RIMS2: variants seen among roughly 807,000 people sequenced by gnomAD.
The protein encoded by RIMS2 is regulating synaptic membrane exocytosis protein 2.
Under a neutral mutation model 174.4 loss-of-function variants are expected in RIMS2, and 59 were observed. The ratio of observed to expected loss-of-function variants is 0.34; its 90% CI spans 0.27 to 0.42. RIMS2 has a LOEUF of 0.42. Ranked by LOEUF, RIMS2 falls within the 10% of genes least tolerant of loss-of-function variation. RIMS2 has a pLI of 1.00. For synonymous variants in RIMS2, 606 were observed against 572.5 expected (o/e 1.06, Z -0.84); for missense variants, 1,620 against 1,666.3 (o/e 0.97, Z 0.48).
chr8:103,623,146 G>T (rs2095675443), intron 1 of RIMS2, among the ~76,000 whole-genome samples: 1 of 152,158 alleles, frequency 6.6e-6, no homozygotes, highest in South Asian at 2.1e-4. Context: ...GATTTTGCTA[G>T]TTTTTATATG....
At chr8:103,852,097 T>C (rs1255559980) in intron 3 of RIMS2, among the ~76,000 whole-genome samples, 1 of 151,870 alleles carries the variant, frequency 6.6e-6, no homozygotes, top group Non-Finnish European at 1.5e-5. Context: ...ACTTAGAGAG[T>C]GAAGAGGCTA....
intron 2 of RIMS2, among the ~76,000 whole-genome samples, chr8:103,719,659 A>G (rs1324027580): frequency 1.3e-5 from 2 of 152,258 alleles, no homozygotes; most frequent in South Asian, 2.1e-4. Context: ...CAAAATAAAG[A>G]GAAATGAAAT....
intron 19 of RIMS2, among the ~76,000 whole-genome samples, chr8:104,076,821 CTT>C (rs759341615): frequency 2.6e-4 from 37 of 140,266 alleles, no homozygotes; most frequent in Admixed American, 2.9e-4. Context: ...TTTCTTTTAT[CTT>C]TTTTTTTTTT....
chr8:103,503,329 A>C (rs74858320), intron 1 of RIMS2, among the ~76,000 whole-genome samples: 1 of 152,070 alleles, frequency 6.6e-6, no homozygotes, highest in East Asian at 1.9e-4. Flanking sequence ...CAAGGAAATG[A>C]AATGAATAGA....
intron 1 of RIMS2, among the ~76,000 whole-genome samples, chr8:103,545,657 A>G (rs776795847): frequency 1.3e-5 from 2 of 152,256 alleles, no homozygotes; most frequent in Admixed American, 6.5e-5. Context: ...AGGGAACTCC[A>G]TCAGGCTAAC....
intron 3 of RIMS2, among the ~76,000 whole-genome samples, chr8:103,805,533 A>G (rs865779493): frequency 4.6e-5 from 7 of 151,946 alleles, no homozygotes; most frequent in African/African-American, 1.5e-4. Context: ...ATGGTCTGGA[A>G]CTCTTTGTTT....
At chr8:104,069,672 G>T (rs2097164928) in intron 19 of RIMS2, among the ~76,000 whole-genome samples, 1 of 151,808 alleles carries the variant, frequency 6.6e-6, no homozygotes, top group African/African-American at 2.4e-5. Context: ...TTTCACTATT[G>T]TTGGCCAGGC....
At chr8:103,575,784 G>A (rs1384351781) in intron 1 of RIMS2, among the ~76,000 whole-genome samples, 1 of 151,500 alleles carries the variant, frequency 6.6e-6, no homozygotes, top group African/African-American at 2.4e-5. Context: ...ACAGAGAATT[G>A]AAAAAACTCT....
chr8:103,645,901 A>C (rs968982672), intron 1 of RIMS2, among the ~76,000 whole-genome samples: 1 of 152,178 alleles, frequency 6.6e-6, no homozygotes, highest in Non-Finnish European at 1.5e-5. Context: ...TTCTGTGAGC[A>C]ATAAAGCTGT....
chr8:103,581,810 C>G (rs1217455172), intron 1 of RIMS2, among the ~76,000 whole-genome samples: 6 of 152,192 alleles, frequency 3.9e-5, no homozygotes, highest in African/African-American at 1.4e-4. Context: ...CCAAAGGCTG[C>G]ATGTGCCCTG....
intron 19 of RIMS2, among the ~76,000 whole-genome samples, chr8:104,024,744 AT>A (rs1459135366): frequency 6.6e-6 from 1 of 152,196 alleles, no homozygotes; most frequent in Non-Finnish European, 1.5e-5. Context: ...AAATTACTCT[AT>A]AATGTGTAAC....
At chr8:104,109,064 G>A (rs1599064699) in intron 19 of RIMS2, among the ~76,000 whole-genome samples, 1 of 151,990 alleles carries the variant, frequency 6.6e-6, no homozygotes, top group Non-Finnish European at 1.5e-5. Context: ...TTGGGAGGCC[G>A]AGGCGGACAG....
At chr8:104,122,390 T>A (rs954578089) in intron 19 of RIMS2, among the ~76,000 whole-genome samples, 4 of 152,120 alleles carry the variant, frequency 2.6e-5, no homozygotes, top group African/African-American at 9.7e-5. Flanking sequence ...TAGGGCTTAG[T>A]TCCCTCAAAC....
intron 19 of RIMS2, among the ~76,000 whole-genome samples, chr8:104,131,017 C>T (rs192108515): frequency 5.3e-5 from 8 of 152,198 alleles, no homozygotes; most frequent in East Asian, 1.9e-4. Context: ...GGCCATGCAA[C>T]GGAGCTTCTA....
chr8:103,640,215 A>T (rs1274308601), intron 1 of RIMS2, among the ~76,000 whole-genome samples: 2 of 151,818 alleles, frequency 1.3e-5, no homozygotes, highest in Admixed American at 1.3e-4. Context: ...TTTTAATGTC[A>T]TGTGATCAGA....
At chr8:103,981,770 A>AGAGCAGAATAGATC (rs2093923728) in intron 16 of RIMS2, among the ~76,000 whole-genome samples, 2 of 152,118 alleles carry the variant, frequency 1.3e-5, no homozygotes, top group African/African-American at 4.8e-5. Context: ...ATGTCCCTTC[A>AGAGCAGAATAGATC]GAGCAGAATA....
intron 19 of RIMS2, among the ~76,000 whole-genome samples, chr8:104,211,617 T>C (rs577525193): frequency 6.6e-6 from 1 of 151,228 alleles, no homozygotes; most frequent in Admixed American, 6.6e-5. Context: ...CCGACTAGAG[T>C]GCAGTGGCAC....
At chr8:103,786,138 G>A (rs2098441397) in intron 3 of RIMS2, among the ~76,000 whole-genome samples, 1 of 151,864 alleles carries the variant, frequency 6.6e-6, no homozygotes, top group Admixed American at 6.6e-5. Flanking sequence ...ATTTTTTATT[G>A]CGTCTATTTG....
chr8:103,757,214 G>T (rs79704303), intron 2 of RIMS2, among the ~76,000 whole-genome samples: 18,898 of 151,908 alleles, frequency 0.12, 1,278 homozygotes, highest in Middle Eastern at 0.22. Context: ...CCTTTATTAG[G>T]TTAAAGCATT....
Sources: gnomAD v4.1 joint callset for allele counts (sites outside exome capture counted in the v4.1 genomes callset) on GRCh38, gnomAD v4.1.1 for gene constraint, MANE v1.5 for transcripts, NCBI Gene and HGNC (gene_info 2026-07-23, HGNC 2026-07-21) for gene names.